The following ARID5B variants were observed in gnomAD, a reference collection of about 807,000 sequenced individuals.
The protein encoded by ARID5B is AT-rich interactive domain-containing protein 5B.
A neutral mutation model predicts 97.2 loss-of-function variants in ARID5B; 13 were observed. The observed-to-expected ratio is 0.13, with a 90% CI of 0.09 to 0.21. The LOEUF (loss-of-function observed/expected upper bound fraction) is 0.21, where lower values mean the gene tolerates loss of function less well. Among genes scored for constraint, ARID5B ranks in the 10% least tolerant of loss-of-function variants. The probability of loss-of-function intolerance (pLI) is 1.00; values close to 1 mark genes in which losing one functional copy is unlikely to be tolerated. For missense variants in ARID5B, 1,210 were observed against 1,465.3 expected (o/e 0.83, Z 2.84); for synonymous variants, 556 against 570.3 (o/e 0.97, Z 0.36).
intron 3 of ARID5B, among the ~76,000 whole-genome samples, chr10:61,953,408 T>C (rs1252672918): frequency 6.6e-6 from 1 of 152,210 alleles, no homozygotes; most frequent in Non-Finnish European, 1.5e-5. Context: ...TGTATAAAGA[T>C]ACAGGCTTTT....
At chr10:61,934,677 G>T (rs1429561651) in intron 2 of ARID5B, among the ~76,000 whole-genome samples, 2 of 152,132 alleles carry the variant, frequency 1.3e-5, no homozygotes. Context: ...CCTTATATCT[G>T]CATGGTTTGT....
intron 4 of ARID5B, among the ~76,000 whole-genome samples, chr10:62,028,012 C>T (rs1380795085): frequency 6.6e-6 from 1 of 152,190 alleles, no homozygotes; most frequent in Non-Finnish European, 1.5e-5. Context: ...TGTGCATCTG[C>T]TTATCCTAGG....
intron 2 of ARID5B, among the ~76,000 whole-genome samples, chr10:61,926,183 C>CA (rs1273975212): frequency 1.1e-4 from 17 of 152,186 alleles, no homozygotes; most frequent in Non-Finnish European, 2.2e-4. Flanking sequence ...GTGATTTCTG[C>CA]CGTCTTTCTT....
In ARID5B at chr10:62,079,882, C is replaced by T. The variant is rs554177918; in HGVS notation, c.1200-5820C>T. ...GCAGATCATTTTCCCAGAAAAGAGA[C>T]CTTTTGTGGTGACAAATGGTTATAT... On this transcript the variant is annotated intron_variant, in intron 8 of 9. Coordinates refer to ENST00000279873, the MANE Select transcript of ARID5B (RefSeq NM_032199.3). Among the ~76,000 whole-genome samples the T allele has an allele frequency of 2.0e-5, 3 of 152,284 alleles. No individual in the cohort carries two copies. The East Asian group carries it at 5.8e-4, about 29-fold the overall frequency.
chr10:61,923,417 C>A (rs1034793314), intron 2 of ARID5B, among the ~76,000 whole-genome samples: 1 of 152,198 alleles, frequency 6.6e-6, no homozygotes, highest in Non-Finnish European at 1.5e-5. Context: ...TCTACCCAGT[C>A]CACACATACA....
intron 2 of ARID5B, among the ~76,000 whole-genome samples, chr10:61,904,707 G>T (rs898404905): frequency 1.3e-5 from 2 of 152,120 alleles, no homozygotes; most frequent in Non-Finnish European, 2.9e-5. Context: ...GATTATACTT[G>T]TATATTTCAT....
chr10:61,973,461 T>A (rs1284673465), intron 3 of ARID5B, among the ~76,000 whole-genome samples: 1 of 152,214 alleles, frequency 6.6e-6, no homozygotes, highest in African/African-American at 2.4e-5. Flanking sequence ...TTCCACTATT[T>A]GTGGCTTTTT....
At chr10:61,946,354 A>C (rs1238697280) in intron 3 of ARID5B, among the ~76,000 whole-genome samples, 1 of 152,180 alleles carries the variant, frequency 6.6e-6, no homozygotes, top group African/African-American at 2.4e-5. Flanking sequence ...AAGCATGCTA[A>C]ATGCAGACAT....
intron 4 of ARID5B, among the ~76,000 whole-genome samples, chr10:62,008,091 C>T (rs1017830981): frequency 2.8e-5 from 4 of 144,842 alleles, no homozygotes; most frequent in African/African-American, 1.0e-4. Context: ...CACACACACA[C>T]ACACACACTG....
intron 8 of ARID5B, among the ~76,000 whole-genome samples, chr10:62,073,388 T>A (rs1044352491): frequency 6.6e-6 from 1 of 152,210 alleles, no homozygotes; most frequent in Non-Finnish European, 1.5e-5. Context: ...GTATATTAGT[T>A]GAGCACTTTT....
chr10:61,914,811 T>C (rs1189216047), intron 2 of ARID5B, among the ~76,000 whole-genome samples: 1 of 152,232 alleles, frequency 6.6e-6, no homozygotes, highest in East Asian at 1.9e-4. Flanking sequence ...GACATTTCCA[T>C]ACTTTGTAGG....
intron 2 of ARID5B, among the ~76,000 whole-genome samples, chr10:61,921,935 T>C (rs1196563313): frequency 2.6e-5 from 4 of 152,138 alleles, no homozygotes; most frequent in African/African-American, 7.2e-5. Flanking sequence ...TCGACCTCCC[T>C]GGCTCAAGCG....
chr10:62,035,600 C>T (rs1298248394), intron 4 of ARID5B, among the ~76,000 whole-genome samples: 1 of 152,022 alleles, frequency 6.6e-6, no homozygotes. Context: ...AAGTGATTCT[C>T]CTGTCCCAGC....
chr10:61,906,113 A>G (rs1196950759), intron 2 of ARID5B, among the ~76,000 whole-genome samples: 1 of 152,206 alleles, frequency 6.6e-6, no homozygotes, highest in African/African-American at 2.4e-5. Flanking sequence ...GAAGATCAAG[A>G]GGATTTATAG....
chr10:62,070,467 C>A (rs1840049117), intron 8 of ARID5B, among the ~76,000 whole-genome samples: 1 of 152,230 alleles, frequency 6.6e-6, no homozygotes, highest in South Asian at 2.1e-4. Flanking sequence ...CATTATCCCT[C>A]TATGCTTCAA....
At chr10:62,029,732 C>A (rs1426199373) in intron 4 of ARID5B, among the ~76,000 whole-genome samples, 3 of 152,192 alleles carry the variant, frequency 2.0e-5, no homozygotes, top group Non-Finnish European at 4.4e-5. Context: ...GGGAGATCAC[C>A]TCGTAACAAA....
In ARID5B at chr10:62,045,937, G is replaced by A. The variant is rs569280206; in HGVS notation, c.734-4951G>A. Among the ~76,000 whole-genome samples, 13 of 152,290 alleles carry A rather than the reference G, an allele frequency of 8.5e-5. No individual in the cohort carries two copies. In the South Asian group the frequency reaches 2.5e-3, roughly 29 times the overall value. On this transcript the variant is annotated intron_variant, in intron 4 of 9. Coordinates refer to ENST00000279873, the MANE Select transcript of ARID5B (RefSeq NM_032199.3). ...AAATCGAATGAGTTAACGCTCCGCC[G>A]ACTTCTCTAGACATTGACCTCGGGG...
At chr10:61,921,972 G>C (rs971420725) in intron 2 of ARID5B, among the ~76,000 whole-genome samples, 1 of 152,074 alleles carries the variant, frequency 6.6e-6, no homozygotes, top group African/African-American at 2.4e-5. Flanking sequence ...CTTCCAAATA[G>C]CTGGGACCAC....
At chr10:62,051,923 G>GA (rs959065209) in intron 5 of ARID5B, among the ~76,000 whole-genome samples, 108 of 145,304 alleles carry the variant, frequency 7.4e-4, no homozygotes, top group Middle Eastern at 7.2e-3. Context: ...GTCTGATGTA[G>GA]AAAAAAAAAA....
Sources: gnomAD v4.1 joint callset for allele counts (sites outside exome capture counted in the v4.1 genomes callset) on GRCh38, gnomAD v4.1.1 for gene constraint, MANE v1.5 for transcripts, NCBI Gene and HGNC (gene_info 2026-07-23, HGNC 2026-07-21) for gene names.